ST6GALNAC3: variants seen among roughly 807,000 people sequenced by gnomAD.
ST6GALNAC3 encodes alpha-N-acetylgalactosaminide alpha-2,6-sialyltransferase 3.
In ST6GALNAC3, 25 loss-of-function variants were observed where a neutral mutation model predicts 32.7. The ratio of observed to expected loss-of-function variants is 0.76; its 90% confidence interval spans 0.56 to 1.07. The LOEUF (loss-of-function observed/expected upper bound fraction) is 1.07. ST6GALNAC3 is among the 50% of genes least tolerant of loss of function. The pLI is 0.00. For synonymous variants in ST6GALNAC3, 129 were observed against 133.1 expected, an observed-to-expected ratio of 0.97 and a Z score of 0.21; for missense variants, 355 against 382.4, an observed-to-expected ratio of 0.93 and a Z score of 0.60.
At chr1:76,483,576 G>GT (rs1659886167) in intron 3 of ST6GALNAC3, among the ~76,000 whole-genome samples, 1 of 152,056 alleles carries the variant, frequency 6.6e-6, no homozygotes, top group Admixed American at 6.6e-5. Flanking sequence ...GGGGTTGTTT[G>GT]TTTTTTTCTT....
At chr1:76,143,722 A>C (rs977844777) in intron 1 of ST6GALNAC3, among the ~76,000 whole-genome samples, 2 of 152,146 alleles carry the variant, frequency 1.3e-5, no homozygotes, top group African/African-American at 4.8e-5. Flanking sequence ...ATCGAATAGC[A>C]GTGTCGCACC....
At chr1:76,431,203 A>G (rs1655728615) in intron 3 of ST6GALNAC3, among the ~76,000 whole-genome samples, 1 of 152,116 alleles carries the variant, frequency 6.6e-6, no homozygotes, top group South Asian at 2.1e-4. Flanking sequence ...TGCTGCTTAG[A>G]TAACCCCAGA....
chr1:76,533,982 A>G (rs1363079461), intron 3 of ST6GALNAC3, among the ~76,000 whole-genome samples: 1 of 152,006 alleles, frequency 6.6e-6, no homozygotes, highest in East Asian at 1.9e-4. Context: ...ATGTATTTTA[A>G]TTTCCATAAA....
intron 3 of ST6GALNAC3, among the ~76,000 whole-genome samples, chr1:76,622,757 G>A (rs928744590): frequency 1.3e-5 from 2 of 151,954 alleles, no homozygotes; most frequent in Non-Finnish European, 2.9e-5. Context: ...AACTCATTGA[G>A]CTATTGGTAT....
intron 3 of ST6GALNAC3, among the ~76,000 whole-genome samples, chr1:76,446,357 G>A (rs1338533281): frequency 6.6e-6 from 1 of 152,076 alleles, no homozygotes; most frequent in African/African-American, 2.4e-5. Flanking sequence ...AGCATGCAAA[G>A]TGTATGTGAG....
chr1:76,289,385 C>T (rs1167268657), intron 1 of ST6GALNAC3, among the ~76,000 whole-genome samples: 1 of 152,192 alleles, frequency 6.6e-6, no homozygotes, highest in Non-Finnish European at 1.5e-5. Flanking sequence ...TACTTAACTT[C>T]TCTGTGCTTC....
chr1:76,323,702 T>C (rs989877372), intron 2 of ST6GALNAC3, among the ~76,000 whole-genome samples: 4 of 152,212 alleles, frequency 2.6e-5, no homozygotes, highest in African/African-American at 9.7e-5. Flanking sequence ...ATGTGAAAGA[T>C]TATTTTAACT....
At chr1:76,490,853 T>C (rs1276256126) in intron 3 of ST6GALNAC3, among the ~76,000 whole-genome samples, 1 of 136,074 alleles carries the variant, frequency 7.3e-6, no homozygotes, top group Non-Finnish European at 1.5e-5. Context: ...TTTTTCTTTT[T>C]TTCTTTTTTT....
At chr1:76,174,363 G>T (rs911619595) in intron 1 of ST6GALNAC3, among the ~76,000 whole-genome samples, 16 of 152,046 alleles carry the variant, frequency 1.1e-4, no homozygotes, top group Non-Finnish European at 1.9e-4. Context: ...GTCAATAGTT[G>T]CAGCAAACTA....
intron 3 of ST6GALNAC3, among the ~76,000 whole-genome samples, chr1:76,450,914 A>G (rs759224021): frequency 1.3e-5 from 2 of 152,032 alleles, no homozygotes; most frequent in Non-Finnish European, 2.9e-5. Context: ...CTATATGCCT[A>G]TCTTTATACC....
At chr1:76,362,321 C>G (rs949288842) in intron 2 of ST6GALNAC3, among the ~76,000 whole-genome samples, 8 of 152,134 alleles carry the variant, frequency 5.3e-5, no homozygotes, top group African/African-American at 1.9e-4. Context: ...TTACCTCCCA[C>G]CAGACCCCAT....
chr1:76,183,786 G>A (rs1337702724), intron 1 of ST6GALNAC3, among the ~76,000 whole-genome samples: 1 of 147,996 alleles, frequency 6.8e-6, no homozygotes, highest in East Asian at 2.0e-4. Context: ...TAAAATTATG[G>A]TATTATAGTC....
intron 1 of ST6GALNAC3, among the ~76,000 whole-genome samples, chr1:76,076,967 A>G (rs1026654537): frequency 6.2e-5 from 9 of 145,528 alleles, no homozygotes; most frequent in Admixed American, 4.9e-4. Context: ...AAGATGGCCT[A>G]ATACCATTCA....
chr1:76,075,028 G>C lies in ST6GALNAC3; in HGVS notation c.18+144G>C, dbSNP rs1646793751. 31 of 1,015,550 alleles carry C rather than the reference G, an allele frequency of 3.1e-5. 2 individuals carry two copies. In the South Asian group the frequency reaches 3.9e-4, roughly 13 times the overall value. The allele number at this position is 1,015,550 out of a possible 1,614,324, so 62.9% of individuals were successfully genotyped here. On this transcript the variant is annotated intron_variant, in intron 1 of 4. Transcript: ENST00000328299. Reference sequence around the variant, plus strand: ...TTTTCTTTTTGTTCCTTTGGCAAATGCATATGGAGGGAGATTCTGAAACAT... The same window carrying C: ...TTTTCTTTTTGTTCCTTTGGCAAATCCATATGGAGGGAGATTCTGAAACAT...
At chr1:76,166,788 A>T (rs1048760672) in intron 1 of ST6GALNAC3, among the ~76,000 whole-genome samples, 2 of 152,236 alleles carry the variant, frequency 1.3e-5, no homozygotes, top group South Asian at 2.1e-4. Flanking sequence ...TGCGTTGCCT[A>T]TTCGGCTCTT....
At chr1:76,495,551 G>C (rs983220851) in intron 3 of ST6GALNAC3, among the ~76,000 whole-genome samples, 2 of 152,088 alleles carry the variant, frequency 1.3e-5, no homozygotes, top group African/African-American at 4.8e-5. Context: ...AACTCTCCTA[G>C]GTAACTTACC....
In ST6GALNAC3 at chr1:76,509,456, C is replaced by T. The variant is rs1661697914; in HGVS notation, c.623+97039C>T. Among the ~76,000 whole-genome samples the T allele has an allele frequency of 6.6e-6, 1 of 152,116 alleles. No homozygotes were observed. Among genetic ancestry groups the T allele is most frequent in the South Asian group, 2.1e-4 (1 of 4,830 alleles). ...GATAGAGAAGCCATGCTAATTCTGA[C>T]ACTTTGAAATGTAAGAGCAGTTCTT... On this transcript the variant is annotated intron_variant, in intron 3 of 4. Coordinates refer to ENST00000328299, the MANE Select transcript of ST6GALNAC3 (RefSeq NM_152996.4). This position sits in a 1 kb window ranked among gnomAD's most constrained non-coding sequence, Gnocchi z 5.5.
chr1:76,564,229 AG>A (rs1482460040), intron 3 of ST6GALNAC3, among the ~76,000 whole-genome samples: 1 of 152,246 alleles, frequency 6.6e-6, no homozygotes, highest in Non-Finnish European at 1.5e-5. Context: ...GCATGGACCC[AG>A]TGGGAGATAA....
At chr1:76,333,405 C>G (rs1260907283) in intron 2 of ST6GALNAC3, among the ~76,000 whole-genome samples, 1 of 152,092 alleles carries the variant, frequency 6.6e-6, no homozygotes, top group African/African-American at 2.4e-5. Context: ...GTATTTGTAC[C>G]AAGACTCATA....
Sources: allele counts gnomAD v4.1 joint callset (sites outside exome capture counted in the v4.1 genomes callset), GRCh38; gene constraint gnomAD v4.1.1; non-coding constraint Gnocchi (gnomAD v3.1); transcripts MANE v1.5; gene names NCBI Gene and HGNC (gene_info 2026-07-23, HGNC 2026-07-21).